Variants in XRN1 observed in about 807,000 individuals in gnomAD.
XRN1 encodes strand-exchange protein 1 homolog.
XRN1 carries 67 observed loss-of-function variants against 222.3 expected under a neutral mutation model. The observed-to-expected ratio is 0.30, with a 90% confidence interval of 0.25 to 0.37. The LOEUF (loss-of-function observed/expected upper bound fraction) is 0.37, where lower values mean the gene tolerates loss of function less well. Among genes scored for constraint, XRN1 ranks in the 10% least tolerant of loss-of-function variants. The pLI is 1.00. For synonymous variants in XRN1, 643 were observed against 652.4 expected (o/e 0.99, Z 0.22); for missense variants, 1,707 against 2,000.2 (o/e 0.85, Z 2.80).
At chr3:142,338,030 C>T (rs1280811034) in intron 33 of XRN1, among the ~76,000 whole-genome samples, 3 of 152,148 alleles carry the variant, frequency 2.0e-5, no homozygotes, top group Non-Finnish European at 4.4e-5. Flanking sequence ...CTTAAATAAA[C>T]CTGAAAGGCT....
chr3:142,365,973 C>G (rs1290790009), intron 27 of XRN1, among the ~76,000 whole-genome samples: 1 of 152,094 alleles, frequency 6.6e-6, no homozygotes, highest in African/African-American at 2.4e-5. Flanking sequence ...TTGACAAAAC[C>G]CTTTGCTTTG....
chr3:142,380,251 T>C, intron 22 of XRN1, 71 bp from the exon 23 acceptor site: 3 of 1,302,282 alleles, frequency 2.3e-6, no homozygotes, highest in South Asian at 2.7e-5. Flanking sequence ...TTGAACACTA[T>C]TATTTTTGAA....
chr3:142,361,221 C>G (rs115924719), intron 29 of XRN1, among the ~76,000 whole-genome samples: 1 of 152,236 alleles, frequency 6.6e-6, no homozygotes, highest in African/African-American at 2.4e-5. Flanking sequence ...GTAGTTGTTT[C>G]TTTTTTATAG....
chr3:142,335,430 G>T lies in XRN1; in HGVS notation c.3939+18C>A. On this transcript the variant is annotated intron_variant, in intron 34 of 40. Transcript: ENST00000392981. ...TTAAAAAATTGGTAACTAGAAATTTGATTTTAAGGAAGCTTACCTGCTTAT... is the reference window on the plus strand; with the variant it reads ...TTAAAAAATTGGTAACTAGAAATTTTATTTTAAGGAAGCTTACCTGCTTAT... 6.2e-7 allele frequency: 1 copy of T among 1,612,160 alleles called. No individual in the cohort carries two copies. Among genetic ancestry groups the T allele is most frequent in the South Asian group, 1.1e-5 (1 of 90,976 alleles).
chr3:142,416,477 C>T (rs1006669936), intron 13 of XRN1, among the ~76,000 whole-genome samples: 2 of 152,146 alleles, frequency 1.3e-5, no homozygotes, highest in Non-Finnish European at 2.9e-5. Flanking sequence ...AGCCACTGTG[C>T]CCGAACACTT....
intron 20 of XRN1, among the ~76,000 whole-genome samples, chr3:142,391,748 AAATAT>A (rs1398228238): frequency 0.01 from 534 of 52,984 alleles, 1 homozygote; most frequent in Middle Eastern, 0.037. Flanking sequence ...AAAAAAAAAA[AAATAT>A]ATATATATAT....
At position 142,311,684 on chromosome 3, in the gene XRN1, A is replaced by G. The variant is rs200015075; in HGVS notation, c.4912T>C (p.Ser1638Pro). 1.4e-4 allele frequency: 228 copies of G among 1,614,018 alleles called. No individual in the cohort carries two copies. The highest frequency in any genetic ancestry group is 5.9e-6 in the Non-Finnish European group (7 of 1,180,016). Residue 1638 changes from serine (S) to proline (P), a missense_variant, in exon 41 of 41, where the codon TCA becomes CCA. By Grantham distance (74) the Ser-to-Pro change is moderately conservative. Coordinates refer to ENST00000392981, the MANE Select transcript of XRN1 (RefSeq NM_001282857.2). The stretch of plus-strand genomic sequence containing the variant: ...GGAGAGGACTTCAAAGAAGCTGATG[A>G]GCTCTCCCGTGGACTTACTTTGACA... Reference protein sequence around the residue: ...NIVKVSPRESSSASLKSSPIA... With the variant: ...NIVKVSPRESPSASLKSSPIA...
chr3:142,422,003 T>C (rs1289811356), intron 8 of XRN1, among the ~76,000 whole-genome samples: 1 of 152,142 alleles, frequency 6.6e-6, no homozygotes, highest in Admixed American at 6.5e-5. Flanking sequence ...TGCTTAAATA[T>C]GAAAAAAGTA....
intron 29 of XRN1, 51 bp from the exon 30 acceptor site, chr3:142,359,982 A>G (rs1577288397): frequency 7.5e-7 from 1 of 1,324,808 alleles, no homozygotes; most frequent in Non-Finnish European, 1.1e-6. Context: ...TATGATGAAA[A>G]ATCAACAGAT....
In XRN1 at chr3:142,306,738, A is replaced by C. The variant is rs2064973094; in HGVS notation, c.*4773T>G. The C allele has an allele frequency of 6.6e-6, 1 of 152,642 alleles. No homozygotes were observed. Among genetic ancestry groups the C allele is most frequent in the East Asian group, 1.9e-4 (1 of 5,196 alleles). 9.5% of individuals were successfully genotyped at this position (152,642 alleles called of 1,614,324 possible). ...CATCGTGAGGCTAACTTCATGCTAGAAATCTACGGATAACGTAACACCACA... is the reference window on the plus strand; with the variant it reads ...CATCGTGAGGCTAACTTCATGCTAGCAATCTACGGATAACGTAACACCACA... On this transcript the variant is annotated 3_prime_UTR_variant, in exon 41 of 41. Coordinates refer to ENST00000392981, the MANE Select transcript of XRN1 (RefSeq NM_001282857.2).
intron 33 of XRN1, among the ~76,000 whole-genome samples, chr3:142,341,602 A>G (rs1220931738): frequency 6.6e-6 from 1 of 152,174 alleles, no homozygotes; most frequent in Non-Finnish European, 1.5e-5. Context: ...ATGTCAATGA[A>G]CTAAACTCTA....
At chr3:142,440,532 C>G (rs1360110609) in intron 1 of XRN1, among the ~76,000 whole-genome samples, 1 of 152,030 alleles carries the variant, frequency 6.6e-6, no homozygotes, top group African/African-American at 2.4e-5. Context: ...GCAGTACCCC[C>G]TTAGACCCGA....
At chr3:142,407,952 T>C (rs1306367008) in intron 15 of XRN1, among the ~76,000 whole-genome samples, 2 of 152,256 alleles carry the variant, frequency 1.3e-5, no homozygotes, top group Non-Finnish European at 2.9e-5. Context: ...TGTAGCTTTA[T>C]GCAGTATTCT....
chr3:142,365,675 C>CATAGATATA (rs2066792288), intron 27 of XRN1, among the ~76,000 whole-genome samples: 1 of 152,004 alleles, frequency 6.6e-6, no homozygotes, highest in Non-Finnish European at 1.5e-5. Context: ...TATAACTATA[C>CATAGATATA]CTGGTTCAAG....
chr3:142,396,605 G>T (rs1182966705), intron 20 of XRN1, among the ~76,000 whole-genome samples: 2 of 152,068 alleles, frequency 1.3e-5, no homozygotes, highest in Non-Finnish European at 2.9e-5. Context: ...CGTTTTCCCG[G>T]TTTATTCATC....
rs1388390326 is a variant in XRN1 at position 142,405,011 on chromosome 3, G to A, written c.1779C>T (p.Asn593=). The change falls in exon 16 of 41, where the codon AAC becomes AAT. Residue 593 remains asparagine (N), a synonymous_variant. Coordinates refer to ENST00000392981, the MANE Select transcript of XRN1 (RefSeq NM_001282857.2). ...HSLKKEERKR[N]QHSECLMCWY... ...AGCACATTAGGCACTCACTATGTTG[G>A]TTTCTTTTCCTCTCTTCCTTTTTGA... 1 of 1,613,854 alleles carries A rather than the reference G, an allele frequency of 6.2e-7. No individual in the cohort carries two copies. Among genetic ancestry groups the A allele is most frequent in the African/African-American group, 1.3e-5 (1 of 74,916 alleles).
At chr3:142,391,098 CAAT>C (rs2067695372) in intron 20 of XRN1, among the ~76,000 whole-genome samples, 1 of 151,858 alleles carries the variant, frequency 6.6e-6, no homozygotes, top group Non-Finnish European at 1.5e-5. Flanking sequence ...ATAAAAATAA[CAAT>C]AATAAAGTTT....
At chr3:142,319,540 T>C (rs535723192) in intron 37 of XRN1, among the ~76,000 whole-genome samples, 12 of 152,168 alleles carry the variant, frequency 7.9e-5, no homozygotes, top group African/African-American at 1.9e-4. Context: ...TTTTAAAAAA[T>C]AGATTTGGGA....
At chr3:142,423,490 C>A in intron 6 of XRN1, 70 bp downstream of exon 6, 1 of 1,266,736 alleles carries the variant, frequency 7.9e-7, no homozygotes, top group South Asian at 1.6e-5. Context: ...TATTTACAAA[C>A]ATGTATCTGT....
Sources: gnomAD v4.1 joint callset for allele counts (sites outside exome capture counted in the v4.1 genomes callset) on GRCh38, gnomAD v4.1.1 for gene constraint, MANE v1.5 for transcripts, NCBI Gene and HGNC (gene_info 2026-07-23, HGNC 2026-07-21) for gene names.